VRTN: variants seen among roughly 807,000 people sequenced by gnomAD.
VRTN encodes the protein vertebrae development associated.
VRTN carries 5 observed loss-of-function variants against 18.2 expected under a neutral mutation model. The ratio of observed to expected loss-of-function variants is 0.27; its 90% CI spans 0.14 to 0.58. VRTN has a LOEUF of 0.58. Ranked by LOEUF, VRTN falls within the 20% of genes least tolerant of loss-of-function variation. VRTN has a pLI of 0.91. For missense variants in VRTN, 741 were observed against 939.4 expected (o/e 0.79, Z 2.76); for synonymous variants, 381 against 393.7 (o/e 0.97, Z 0.38).
chr14:74,307,823 C>T (rs2085363606), intron 1 of VRTN, among the ~76,000 whole-genome samples: 3 of 152,012 alleles, frequency 2.0e-5, no homozygotes, highest in Admixed American at 6.6e-5. Context: ...CTCCGCCTCC[C>T]GGGTTCAAGC....
chr14:74,359,403 C>T lies in VRTN; in HGVS notation c.*511C>T, dbSNP rs533207704. On this transcript the variant is annotated 3_prime_UTR_variant, in exon 2 of 2. Coordinates refer to ENST00000256362, the MANE Select transcript of VRTN (RefSeq NM_018228.3). ...GGAACATTAGGCTCGAATATGGGGG[C>T]CAGGTGTGGTGGCTTATGCCTGTAA... 191 of 168,522 alleles carry T rather than the reference C, an allele frequency of 1.1e-3. 1 individual carries two copies. The highest frequency in any genetic ancestry group is 2.7e-3 in the Admixed American group (41 of 15,464). The allele number at this position is 168,522 out of a possible 1,614,324, so 10.4% of individuals were successfully genotyped here. A position where few individuals can be genotyped will look rare whatever the true frequency, so the allele number is the denominator to read the frequency against.
chr14:74,342,506 T>C (rs1238124228), intron 2 of VRTN, among the ~76,000 whole-genome samples: 1 of 152,174 alleles, frequency 6.6e-6, no homozygotes, highest in Non-Finnish European at 1.5e-5. Context: ...TATGTGTATG[T>C]GTGTGCATAT....
upstream of VRTN, among the ~76,000 whole-genome samples, chr14:74,345,390 C>T (rs891205716): frequency 9.3e-5 from 12 of 128,506 alleles, no homozygotes; most frequent in East Asian, 9.2e-4. Flanking sequence ...TTCACTCTAT[C>T]GCCCAGGCTG....
rs2140215485 is a variant in VRTN, at chr14:74,357,788, C to T, written c.1005C>T (p.Phe335=). ...GGGGCGTCGTGCCACTTCAGCAGTT[C>T]CTCCAGCGGTTCCCGGAGATCTCCC... ...HRGGVVPLQQ[F]LQRFPEISRS... The change falls in exon 2 of 2, where the codon TTC becomes TTT. Residue 335 remains phenylalanine (F), a synonymous_variant. Transcript: ENST00000256362. This position sits in a 1 kb window ranked among gnomAD's most constrained non-coding sequence, Gnocchi z 7.8. 6.2e-7 allele frequency: 1 copy of T among 1,613,144 alleles called. No individual in the cohort carries two copies. The highest frequency in any genetic ancestry group is 1.7e-5 in the Admixed American group (1 of 60,024).
At chr14:74,310,397 CA>C (rs1204317705) in intron 1 of VRTN, among the ~76,000 whole-genome samples, 1,510 of 59,422 alleles carry the variant, frequency 0.025, 7 homozygotes, top group African/African-American at 0.045. Flanking sequence ...AACTCTGTCT[CA>C]AAAAAAAAAA....
In VRTN at chr14:74,307,377, G is replaced by A. The variant is rs546838524; in HGVS notation, c.-164+4201G>A. Among the ~76,000 whole-genome samples, 12 of 151,926 alleles carry A rather than the reference G, an allele frequency of 7.9e-5. No individual in the cohort carries two copies. In the South Asian group the frequency reaches 2.1e-3, roughly 26 times the overall value. On this transcript the variant is annotated intron_variant, in intron 1 of 2. Transcript: ENST00000557177. ...ACTCCTTACCTCAGTTGATCCACGC[G>A]CCTCCACCTCCCCAAGTGCTGAGAT...
chr14:74,304,519 G>A (rs564199413), intron 1 of VRTN, among the ~76,000 whole-genome samples: 11 of 152,230 alleles, frequency 7.2e-5, no homozygotes, highest in African/African-American at 1.7e-4. Context: ...CAACTTTGGC[G>A]CCATTAAGTT....
intron 1 of VRTN, among the ~76,000 whole-genome samples, chr14:74,312,923 A>G (rs2140192768): frequency 6.6e-6 from 1 of 151,422 alleles, no homozygotes; most frequent in Non-Finnish European, 1.5e-5. Flanking sequence ...TTATATTTTT[A>G]GTAGGGACAG....
chr14:74,306,145 C>CATATATATAT (rs71395615), intron 1 of VRTN: 17 of 94,626 alleles, frequency 1.8e-4, no homozygotes, highest in African/African-American at 3.6e-4. Flanking sequence ...TAAAAATATA[C>CATATATATAT]ATATATATAT....
chr14:74,330,772 C>T (rs1319616214), intron 1 of VRTN, among the ~76,000 whole-genome samples: 2 of 151,934 alleles, frequency 1.3e-5, no homozygotes, highest in Admixed American at 6.6e-5. Context: ...ACACCTGAGG[C>T]GTTCTAGAAG....
At chr14:74,337,385 A>T (rs926499446) in intron 1 of VRTN, among the ~76,000 whole-genome samples, 6 of 152,014 alleles carry the variant, frequency 3.9e-5, no homozygotes, top group African/African-American at 1.4e-4. Context: ...AAACAAAACA[A>T]CAAAAAAAGA....
intron 1 of VRTN, among the ~76,000 whole-genome samples, chr14:74,318,778 A>G (rs557720681): frequency 2.2e-4 from 32 of 145,128 alleles, no homozygotes; most frequent in Admixed American, 1.9e-3. Flanking sequence ...CAATGGCCCA[A>G]TCTTGGCTCA....
rs10676222 is a variant in VRTN at position 74,314,394 on chromosome 14, C to CTTTT, written c.-164+11235_-164+11238dup. 2.6e-3 allele frequency among the ~76,000 whole-genome samples: 281 copies of CTTTT among 108,756 alleles called. 5 individuals carry two copies. The highest frequency in any genetic ancestry group is 8.4e-3 in the East Asian group (30 of 3,568). 71.3% of individuals were successfully genotyped at this position (108,756 alleles called of 152,430 possible). On this transcript the variant is annotated intron_variant, in intron 1 of 2. Coordinates refer to the VRTN transcript ENST00000557177. ...CAAAAGACTCAAGAAAAAAACTGTTCTTTTTTTTTTTTTTTTTTTTGAGAT... is the reference window on the plus strand; with the variant it reads ...CAAAAGACTCAAGAAAAAAACTGTTCTTTTTTTTTTTTTTTTTTTTTTTTGAGAT...
chr14:74,358,811 C>T lies in VRTN; in HGVS notation c.2028C>T (p.Ala676=), dbSNP rs1202071866. ...TTCCCTCCTACAAGGAGTTCAGTGC[C>T]CTCTTTCCCCTCACTGCCCGCTCCA... ...KSFPSYKEFS[A]LFPLTARSTY... is the part of the protein sequence containing the mutation. The change falls in exon 2 of 2, where the codon GCC becomes GCT. Residue 676 remains alanine, a synonymous_variant. Coordinates refer to ENST00000256362, the MANE Select transcript of VRTN (RefSeq NM_018228.3). This position sits in a 1 kb window ranked among gnomAD's most constrained non-coding sequence, Gnocchi z 5.4. 1.9e-6 allele frequency: 3 copies of T among 1,614,222 alleles called. No homozygotes were observed. The highest frequency in any genetic ancestry group is 2.2e-5 in the East Asian group (1 of 44,884).
upstream of VRTN, among the ~76,000 whole-genome samples, chr14:74,343,706 G>A (rs2085623547): frequency 6.6e-6 from 1 of 152,148 alleles, no homozygotes; most frequent in South Asian, 2.1e-4. Context: ...TATCTGAAAT[G>A]TGGCTAATCC....
At chr14:74,351,637 A>T (rs549617309) in intron 1 of VRTN, among the ~76,000 whole-genome samples, 1 of 151,106 alleles carries the variant, frequency 6.6e-6, no homozygotes, top group South Asian at 2.1e-4. Context: ...ACATGCTACT[A>T]TGCAGGCTAA....
chr14:74,314,596 G>A (rs553547661), intron 1 of VRTN, among the ~76,000 whole-genome samples: 249 of 151,912 alleles, frequency 1.6e-3, no homozygotes, highest in Middle Eastern at 3.4e-3. Context: ...TAGAGATGGG[G>A]TTTCATCGAG....
chr14:74,352,611 C>T lies in VRTN; in HGVS notation c.-2+3959C>T, dbSNP rs549387531. Among the ~76,000 whole-genome samples, 7 of 152,190 alleles carry T rather than the reference C, an allele frequency of 4.6e-5. No individual in the cohort carries two copies. The South Asian group carries it at 8.3e-4, about 18-fold the overall frequency. The stretch of plus-strand genomic sequence containing the variant: ...TGTTGCTCAGGCTGAAGTCCGGTGG[C>T]GTGATCATAGCTCACTGTAACCTCG... On this transcript the variant is annotated intron_variant, in intron 1 of 1. Coordinates refer to ENST00000256362, the MANE Select transcript of VRTN (RefSeq NM_018228.3).
intron 1 of VRTN, among the ~76,000 whole-genome samples, chr14:74,307,762 G>A (rs899360789): frequency 1.5e-4 from 22 of 151,382 alleles, no homozygotes; most frequent in South Asian, 2.1e-4. Context: ...ATGGAGTCTC[G>A]CTCTGTTGCC....
Sources: gnomAD v4.1 joint callset for allele counts (sites outside exome capture counted in the v4.1 genomes callset) on GRCh38, gnomAD v4.1.1 for gene constraint, Gnocchi (gnomAD v3.1) non-coding constraint, MANE v1.5 for transcripts, NCBI Gene and HGNC (gene_info 2026-07-23, HGNC 2026-07-21) for gene names.